The following SIPA1L1 variants were observed in gnomAD, a reference collection of about 807,000 sequenced individuals.
SIPA1L1 encodes signal-induced proliferation-associated 1-like protein 1.
In SIPA1L1, 26 loss-of-function variants were observed where a neutral mutation model predicts 162.7. That is an observed-to-expected ratio of 0.16 (90% CI 0.12 to 0.22). SIPA1L1 has a LOEUF of 0.22. Ranked by LOEUF, SIPA1L1 falls within the 10% of genes least tolerant of loss-of-function variation. The probability of loss-of-function intolerance (pLI) is 1.00; values close to 1 mark genes in which losing one functional copy is unlikely to be tolerated. For missense variants in SIPA1L1, 1,874 were observed against 2,241.0 expected, an observed-to-expected ratio of 0.84 and a Z score of 3.31; for synonymous variants, 829 against 837.4, an observed-to-expected ratio of 0.99 and a Z score of 0.17.
chr14:71,491,156 T>G (rs1254890744), intron 2 of SIPA1L1, among the ~76,000 whole-genome samples: 2 of 152,234 alleles, frequency 1.3e-5, no homozygotes, highest in Non-Finnish European at 2.9e-5. Context: ...AAAGGAAATG[T>G]CAACTACCAG....
intron 2 of SIPA1L1, among the ~76,000 whole-genome samples, chr14:71,456,094 A>G (rs1300311076): frequency 6.6e-6 from 1 of 152,210 alleles, no homozygotes; most frequent in African/African-American, 2.4e-5. Flanking sequence ...TTTGGTCTAA[A>G]CAGTTTTTAA....
chr14:71,404,454 G>A (rs903441893), intron 2 of SIPA1L1, among the ~76,000 whole-genome samples: 2 of 152,154 alleles, frequency 1.3e-5, no homozygotes, highest in Admixed American at 6.5e-5. Context: ...TGAGGTAGGA[G>A]AATCGCTTGA....
chr14:71,414,418 C>T (rs986321501), intron 2 of SIPA1L1, among the ~76,000 whole-genome samples: 2 of 152,088 alleles, frequency 1.3e-5, no homozygotes, highest in Non-Finnish European at 2.9e-5. Flanking sequence ...ACAAAAAACC[C>T]TGCTCTTTAT....
At chr14:71,450,323 T>C (rs965812898) in intron 2 of SIPA1L1, among the ~76,000 whole-genome samples, 2 of 152,200 alleles carry the variant, frequency 1.3e-5, no homozygotes, top group Non-Finnish European at 2.9e-5. Context: ...GGTGTCAGTT[T>C]ATAGCTCGAT....
At chr14:71,554,957 C>A (rs189326038) in intron 4 of SIPA1L1, among the ~76,000 whole-genome samples, 46 of 151,530 alleles carry the variant, frequency 3.0e-4, no homozygotes, top group African/African-American at 7.3e-4. Context: ...AAAAAAAAAA[C>A]AACAATTTCA....
chr14:71,631,709 G>T (rs941986334), intron 7 of SIPA1L1, among the ~76,000 whole-genome samples: 1 of 152,078 alleles, frequency 6.6e-6, no homozygotes, highest in Non-Finnish European at 1.5e-5. Flanking sequence ...CATCTGTCAG[G>T]TTTTTTCTTT....
In SIPA1L1 at chr14:71,377,490, A is replaced by G. The variant is rs926049913; in HGVS notation, c.-465+56309A>G. On this transcript the variant is annotated intron_variant, in intron 2 of 23. Transcript: ENST00000381232. The surrounding 1 kb of genome is among the most constrained non-coding windows in gnomAD (Gnocchi z 4.8). The stretch of plus-strand genomic sequence containing the variant: ...CAGGCAGAGACGCTCCTCACTTCCC[A>G]GACTGGGTGGCCAGGCAGAGGGGCT... Among the ~76,000 whole-genome samples, 40 of 151,220 alleles carry G rather than the reference A, an allele frequency of 2.6e-4. No individual in the cohort carries two copies. The highest frequency in any genetic ancestry group is 1.7e-3 in the Admixed American group (26 of 15,234).
chr14:71,412,518 C>T (rs1490613701), intron 2 of SIPA1L1, among the ~76,000 whole-genome samples: 1 of 152,040 alleles, frequency 6.6e-6, no homozygotes, highest in Non-Finnish European at 1.5e-5. Flanking sequence ...TCTGTTCTAC[C>T]GTATTACATG....
intron 2 of SIPA1L1, among the ~76,000 whole-genome samples, chr14:71,354,079 A>T (rs577060545): frequency 5.9e-5 from 9 of 152,178 alleles, no homozygotes. Flanking sequence ...GGACCTACAG[A>T]TGCAGGTATT....
At chr14:71,709,727 GC>G in intron 17 of SIPA1L1, 63 bp downstream of exon 17, 1 of 1,429,268 alleles carries the variant, frequency 7.0e-7, no homozygotes, top group Non-Finnish European at 9.6e-7. Context: ...CCTGGCCTCA[GC>G]CCACTTTACT....
At chr14:71,490,657 G>T (rs2049169716) in intron 2 of SIPA1L1, among the ~76,000 whole-genome samples, 1 of 152,140 alleles carries the variant, frequency 6.6e-6, no homozygotes, top group Admixed American at 6.5e-5. Flanking sequence ...AGATTGTTGT[G>T]CCATTAACTA....
chr14:71,358,978 A>T (rs981695250), intron 2 of SIPA1L1, among the ~76,000 whole-genome samples: 1 of 152,176 alleles, frequency 6.6e-6, no homozygotes, highest in South Asian at 2.1e-4. Flanking sequence ...AACACTGGGA[A>T]TTAAAATTGA....
chr14:71,575,802 C>G (rs1453701801), intron 4 of SIPA1L1, among the ~76,000 whole-genome samples: 2 of 152,066 alleles, frequency 1.3e-5, no homozygotes, highest in Non-Finnish European at 2.9e-5. Flanking sequence ...TTTCATGCTC[C>G]TTTGATGAGT....
chr14:71,585,773 T>C (rs779693676), intron 4 of SIPA1L1, among the ~76,000 whole-genome samples: 1 of 152,236 alleles, frequency 6.6e-6, no homozygotes, highest in Non-Finnish European at 1.5e-5. Context: ...ACTTTAGAAG[T>C]ATTATTTATG....
rs1596920687 is a variant in SIPA1L1, at chr14:71,680,825, A to G, written c.3105-4537A>G. Among the ~76,000 whole-genome samples the G allele has an allele frequency of 3.3e-5, 5 of 152,340 alleles. No individual in the cohort carries two copies. In the East Asian group the frequency reaches 9.6e-4, roughly 29 times the overall value. On this transcript the variant is annotated intron_variant, in intron 12 of 23. Coordinates refer to ENST00000381232, the MANE Select transcript of SIPA1L1 (RefSeq NM_001386936.1). ...TCTACGCAAATAAACTAGAAAATCT[A>G]GAGGGCCTCGGGTCTTTATAGCCAC...
chr14:71,710,618 G>A (rs182806175), intron 17 of SIPA1L1, among the ~76,000 whole-genome samples: 10 of 152,158 alleles, frequency 6.6e-5, no homozygotes, highest in Non-Finnish European at 1.5e-4. Flanking sequence ...GACCAGCTTG[G>A]CCAACATGGT....
At chr14:71,711,014 G>A (rs140272923) in intron 17 of SIPA1L1, among the ~76,000 whole-genome samples, 211 of 152,072 alleles carry the variant, frequency 1.4e-3, no homozygotes, top group Non-Finnish European at 2.4e-3. Context: ...AGTCTCTATC[G>A]CTACTTATCA....
chr14:71,475,614 TAGAA>T (rs1348595206), intron 2 of SIPA1L1, among the ~76,000 whole-genome samples: 2 of 152,116 alleles, frequency 1.3e-5, no homozygotes, highest in African/African-American at 2.4e-5. Context: ...TAGAGAAAAT[TAGAA>T]AGAAAAAAAT....
intron 2 of SIPA1L1, among the ~76,000 whole-genome samples, chr14:71,373,129 G>A (rs1038015770): frequency 6.6e-6 from 1 of 151,792 alleles, no homozygotes; most frequent in Non-Finnish European, 1.5e-5. Context: ...GGCTAACACG[G>A]TGAAACCCCA....
Sources: gnomAD v4.1 joint callset for allele counts (sites outside exome capture counted in the v4.1 genomes callset) on GRCh38, gnomAD v4.1.1 for gene constraint, Gnocchi (gnomAD v3.1) non-coding constraint, MANE v1.5 for transcripts, NCBI Gene and HGNC (gene_info 2026-07-23, HGNC 2026-07-21) for gene names.